RPS6KA2: variants seen among roughly 807,000 people sequenced by gnomAD.
RPS6KA2 encodes ribosomal protein S6 kinase A2, also known as ribosomal protein S6 kinase alpha-2.
RPS6KA2 carries 42 observed loss-of-function variants against 91.8 expected under a neutral mutation model. That is an observed-to-expected ratio of 0.46 (90% CI 0.36 to 0.59). The LOEUF (loss-of-function observed/expected upper bound fraction) is 0.59. Among genes scored for constraint, RPS6KA2 ranks in the 20% least tolerant of loss-of-function variants. RPS6KA2 has a pLI of 0.00. For missense variants in RPS6KA2, 798 were observed against 978.5 expected, an observed-to-expected ratio of 0.82 and a Z score of 2.46; for synonymous variants, 414 against 393.6, an observed-to-expected ratio of 1.05 and a Z score of -0.61.
At chr6:166,628,428 G>A (rs1786975605), upstream of RPS6KA2, among the ~76,000 whole-genome samples, 1 of 152,242 alleles carries the variant, frequency 6.6e-6, no homozygotes, top group Non-Finnish European at 1.5e-5. Context: ...TTGCTCTTTT[G>A]CAGTGCGAAC....
intron 2 of RPS6KA2, among the ~76,000 whole-genome samples, chr6:166,537,601 T>C (rs1162441022): frequency 2.6e-5 from 4 of 151,808 alleles, no homozygotes; most frequent in Non-Finnish European, 5.9e-5. Flanking sequence ...GTACTATTCA[T>C]TCCATCCAGT....
chr6:166,703,496 A>G (rs1197134833), intron 2 of RPS6KA2, among the ~76,000 whole-genome samples: 1 of 152,284 alleles, frequency 6.6e-6, no homozygotes, highest in East Asian at 1.9e-4. Context: ...CACATCAGTC[A>G]GATAGAGATA....
intron 4 of RPS6KA2, among the ~76,000 whole-genome samples, chr6:166,509,070 A>G (rs1302551143): frequency 6.6e-6 from 1 of 152,236 alleles, no homozygotes; most frequent in Non-Finnish European, 1.5e-5. Context: ...ATATCCCTGC[A>G]TACTAGAAAA....
chr6:166,685,552 A>G (rs1788986275), intron 2 of RPS6KA2, among the ~76,000 whole-genome samples: 1 of 152,074 alleles, frequency 6.6e-6, no homozygotes, highest in Non-Finnish European at 1.5e-5. Context: ...TGCATCTTTG[A>G]GAGTTGTTGG....
chr6:166,491,872 T>G (rs1348320116), intron 8 of RPS6KA2, among the ~76,000 whole-genome samples: 1 of 152,262 alleles, frequency 6.6e-6, no homozygotes, highest in Non-Finnish European at 1.5e-5. Context: ...TTTTGTATAC[T>G]AACTTTTCAC....
intron 2 of RPS6KA2, among the ~76,000 whole-genome samples, chr6:166,685,690 G>A (rs547025979): frequency 2.6e-5 from 4 of 152,244 alleles, no homozygotes; most frequent in African/African-American, 4.8e-5. Context: ...TCACCCTCAC[G>A]ACAATTCTAT....
chr6:166,617,695 G>A (rs1786466254), intron 1 of RPS6KA2, among the ~76,000 whole-genome samples: 2 of 152,194 alleles, frequency 1.3e-5, no homozygotes, highest in Admixed American at 1.3e-4. Context: ...GTCAGTCCAT[G>A]GCTAATTCCT....
intron 2 of RPS6KA2, among the ~76,000 whole-genome samples, chr6:166,736,946 C>T (rs967570091): frequency 6.6e-6 from 1 of 152,060 alleles, no homozygotes; most frequent in East Asian, 1.9e-4. Context: ...ATGGGAAAAT[C>T]CCTGAAGACA....
chr6:166,840,422 G>T (rs1297767448), intron 2 of RPS6KA2, among the ~76,000 whole-genome samples: 1 of 152,194 alleles, frequency 6.6e-6, no homozygotes, highest in Non-Finnish European at 1.5e-5. Context: ...GAAAAACAGA[G>T]AAAGTTTGCC....
At chr6:166,773,074 G>A (rs1422751085) in intron 2 of RPS6KA2, among the ~76,000 whole-genome samples, 1 of 152,160 alleles carries the variant, frequency 6.6e-6, no homozygotes, top group Non-Finnish European at 1.5e-5. Flanking sequence ...TCCACGTCTG[G>A]GTCAACCCTG....
chr6:166,659,071 C>A (rs1027793846), intron 2 of RPS6KA2, among the ~76,000 whole-genome samples: 4 of 152,150 alleles, frequency 2.6e-5, no homozygotes, highest in South Asian at 2.1e-4. Flanking sequence ...CAACACCCCC[C>A]CTTTTGTGGC....
At position 166,451,203 on chromosome 6, in the gene RPS6KA2, G is replaced by C. The variant is rs752225232; in HGVS notation, c.1106C>G (p.Ala369Gly). 1.2e-6 allele frequency: 2 copies of C among 1,614,100 alleles called. No homozygotes were observed. Among genetic ancestry groups the C allele is most frequent in the Middle Eastern group, 1.6e-4 (1 of 6,062 alleles). The change falls in exon 13 of 21, where the codon GCT becomes GGT. Residue 369 changes from alanine to glycine, a missense_variant. Transcript: ENST00000265678. The stretch of plus-strand genomic sequence containing the variant: ...GCTGAATCCTCTAAACAGGTGATGA[G>C]CGTTTGCACTCGGGGGGACGCCAGG... Reference protein sequence around the residue: ...DSPGVPPSANAHHLFRGFSFV... With the variant: ...DSPGVPPSANGHHLFRGFSFV...
intron 3 of RPS6KA2, among the ~76,000 whole-genome samples, chr6:166,520,025 C>CGTGATATAT (rs1782798251): frequency 6.6e-6 from 1 of 152,144 alleles, no homozygotes; most frequent in Non-Finnish European, 1.5e-5. Context: ...GGGCAGGCAC[C>CGTGATATAT]ATCCAGCCCA....
At chr6:166,768,176 A>G (rs1043763394) in intron 2 of RPS6KA2, among the ~76,000 whole-genome samples, 7 of 152,262 alleles carry the variant, frequency 4.6e-5, no homozygotes, top group African/African-American at 1.7e-4. Context: ...AGAGGGCCTC[A>G]GCGGGCAGCA....
intron 10 of RPS6KA2, among the ~76,000 whole-genome samples, chr6:166,480,365 G>A (rs1212788666): frequency 2.0e-5 from 3 of 151,450 alleles, no homozygotes; most frequent in East Asian, 3.9e-4. Context: ...AACAAGTGCC[G>A]AACTTTCAAT....
chr6:166,718,040 G>T (rs1454499231), intron 2 of RPS6KA2, among the ~76,000 whole-genome samples: 1 of 152,034 alleles, frequency 6.6e-6, no homozygotes, highest in Non-Finnish European at 1.5e-5. Flanking sequence ...GTAGAGACAG[G>T]TTTTGCCATG....
At chr6:166,638,401 T>C (rs1026924528) in intron 2 of RPS6KA2, among the ~76,000 whole-genome samples, 7 of 152,112 alleles carry the variant, frequency 4.6e-5, no homozygotes, top group Admixed American at 2.0e-4. Context: ...GAAAATGCCA[T>C]TAAAGACAAG....
chr6:166,518,304 T>C (rs923649185), intron 3 of RPS6KA2, among the ~76,000 whole-genome samples: 3 of 150,552 alleles, frequency 2.0e-5, no homozygotes, highest in Non-Finnish European at 4.4e-5. Context: ...GTTGAACACT[T>C]ATCTGGTGTC....
chr6:166,505,270 G>A (rs890279392), intron 5 of RPS6KA2, among the ~76,000 whole-genome samples: 27 of 152,180 alleles, frequency 1.8e-4, no homozygotes, highest in African/African-American at 6.5e-4. Context: ...GGACAGCTCA[G>A]GGCTGGGAGG....
Sources: gnomAD v4.1 joint callset for allele counts (sites outside exome capture counted in the v4.1 genomes callset) on GRCh38, gnomAD v4.1.1 for gene constraint, MANE v1.5 for transcripts, NCBI Gene and HGNC (gene_info 2026-07-23, HGNC 2026-07-21) for gene names.